The following C1D variants were observed in gnomAD, a reference collection of about 807,000 sequenced individuals.
The protein encoded by C1D is nuclear nucleic acid-binding protein C1D.
Under a neutral mutation model 17.5 loss-of-function variants are expected in C1D, and 10 were observed. That is an observed-to-expected ratio of 0.57 (90% CI 0.35 to 0.97). The LOEUF (loss-of-function observed/expected upper bound fraction) is 0.97, where lower values mean the gene tolerates loss of function less well. Ranked by LOEUF, C1D falls within the 50% of genes least tolerant of loss-of-function variation. C1D has a pLI of 0.01. For synonymous variants in C1D, 49 were observed against 54.0 expected (o/e 0.91, Z 0.40); for missense variants, 136 against 160.1 (o/e 0.85, Z 0.81).
At chr2:68,061,673 T>C (rs1671633218) in intron 1 of C1D, among the ~76,000 whole-genome samples, 1 of 152,180 alleles carries the variant, frequency 6.6e-6, no homozygotes, top group Admixed American at 6.5e-5. Flanking sequence ...ACTCAATACA[T>C]TAGATAGTAT....
intron 1 of C1D, among the ~76,000 whole-genome samples, chr2:68,049,570 T>C (rs775813395): frequency 2.6e-5 from 4 of 152,182 alleles, no homozygotes; most frequent in Non-Finnish European, 4.4e-5. Flanking sequence ...AATTACACAG[T>C]AGTCAAAGAC....
rs187495068 is a variant in C1D at position 68,044,471 on chromosome 2, G to C, written c.262-1418C>G. Among the ~76,000 whole-genome samples, 14 of 152,350 alleles carry C rather than the reference G, an allele frequency of 9.2e-5. No homozygotes were observed. The East Asian group carries it at 2.1e-3, about 23-fold the overall frequency. On this transcript the variant is annotated intron_variant, in intron 4 of 4. Transcript: ENST00000410067. ...GCTCTGTAATCCCAGCACTTCGGGA[G>C]GCCGAGGCGGGCAGATCACGAGGTC...
intron 1 of C1D, among the ~76,000 whole-genome samples, chr2:68,060,507 G>C (rs1671591281): frequency 6.6e-6 from 1 of 152,086 alleles, no homozygotes; most frequent in African/African-American, 2.4e-5. Flanking sequence ...GCTGGGCATG[G>C]CGACGGGTGC....
intron 1 of C1D, among the ~76,000 whole-genome samples, chr2:68,059,276 A>T (rs558616856): frequency 6.6e-6 from 1 of 152,326 alleles, no homozygotes; most frequent in East Asian, 1.9e-4. Context: ...ATCTGCCTCC[A>T]TGACCCAAAT....
chr2:68,060,616 C>T (rs957545982), intron 1 of C1D, among the ~76,000 whole-genome samples: 6 of 140,592 alleles, frequency 4.3e-5, no homozygotes, highest in Non-Finnish European at 7.7e-5. Flanking sequence ...GCACTCCAGC[C>T]TGAGCAACAG....
At chr2:68,046,543 T>C (rs1671127610) in intron 2 of C1D, 133 bp from the exon 3 acceptor site, 1 of 591,152 alleles carries the variant, frequency 1.7e-6, no homozygotes, top group African/African-American at 1.9e-5. Context: ...TCACTTCATA[T>C]AATCCAATAA....
At chr2:68,060,352 G>T (rs1456055525) in intron 1 of C1D, among the ~76,000 whole-genome samples, 4 of 152,118 alleles carry the variant, frequency 2.6e-5, no homozygotes, top group Admixed American at 2.6e-4. Context: ...CTATTAAAAC[G>T]TGAGTCAGGC....
chr2:68,054,015 A>C (rs1671361181), intron 1 of C1D, among the ~76,000 whole-genome samples: 1 of 152,188 alleles, frequency 6.6e-6, no homozygotes, highest in African/African-American at 2.4e-5. Context: ...ATTTTTATTT[A>C]CTTGACTTCT....
chr2:68,043,356 T>C (rs1357371636), intron 4 of C1D, among the ~76,000 whole-genome samples: 1 of 152,194 alleles, frequency 6.6e-6, no homozygotes, highest in Non-Finnish European at 1.5e-5. Context: ...TTCTAGGTGG[T>C]TATACATTTT....
At chr2:68,043,597 T>A (rs1247349605) in intron 4 of C1D, among the ~76,000 whole-genome samples, 2 of 152,154 alleles carry the variant, frequency 1.3e-5, no homozygotes, top group African/African-American at 4.8e-5. Flanking sequence ...GTACATGAAA[T>A]TTTCTAATAA....
chr2:68,049,663 T>C (rs2103801224), intron 1 of C1D, among the ~76,000 whole-genome samples: 1 of 152,318 alleles, frequency 6.6e-6, no homozygotes, highest in South Asian at 2.1e-4. Flanking sequence ...CCTATGGTAT[T>C]TAGCTGTTTA....
rs547419010 is a variant in C1D, at chr2:68,049,659, G to T, written c.-9-2340C>A. Among the ~76,000 whole-genome samples, 5 of 152,196 alleles carry T rather than the reference G, an allele frequency of 3.3e-5. No homozygotes were observed. In the South Asian group the frequency reaches 1.0e-3, roughly 32 times the overall value. ...CTTCAAGAAACAGTTAACTCCTATG[G>T]TATTTAGCTGTTTAAGAATACAGAG... On this transcript the variant is annotated intron_variant, in intron 1 of 4. Coordinates refer to ENST00000410067, the MANE Select transcript of C1D (RefSeq NM_173177.3).
At chr2:68,047,551 G>A (rs1671165487) in intron 1 of C1D, among the ~76,000 whole-genome samples, 1 of 152,144 alleles carries the variant, frequency 6.6e-6, no homozygotes. Flanking sequence ...CTAATGCTAT[G>A]CACACCAAAC....
chr2:68,042,919 T>C lies in C1D; in HGVS notation c.396A>G (p.Lys132=). Residue 132 remains lysine, a synonymous_variant, in exon 5 of 5, where the codon AAA becomes AAG. Coordinates refer to ENST00000410067, the MANE Select transcript of C1D (RefSeq NM_173177.3). The part of the protein sequence containing the change: ...LWEPKSKNAS[K]VANKGKSKS ...TTTTACTTTTTCCTTTATTGGCAAC[T>C]TTTGATGCATTTTTCGATTTTGGTT... The C allele has an allele frequency of 6.3e-7, 1 of 1,587,230 alleles. No homozygotes were observed.
intron 1 of C1D, among the ~76,000 whole-genome samples, chr2:68,056,852 T>C (rs1029338658): frequency 2.1e-4 from 32 of 152,230 alleles, no homozygotes; most frequent in African/African-American, 6.5e-4. Context: ...TGAGGTAATC[T>C]GCACTATGCT....
Position 68,042,753 on chromosome 2 carries a change from CTTTACATATTTACTGTGAA to C in C1D, c.*117_*135del, listed in dbSNP as rs1478813514. 7.8e-6 allele frequency: 4 copies of C among 513,516 alleles called. No individual in the cohort carries two copies. The highest frequency in any genetic ancestry group is 1.4e-5 in the Non-Finnish European group (4 of 283,930). 31.8% of individuals were successfully genotyped at this position (513,516 alleles called of 1,614,324 possible). On this transcript the variant is annotated 3_prime_UTR_variant, in exon 5 of 5. Transcript: ENST00000410067. ...GATCTTTGGAGAGGAAAGTATTTAG[CTTTACATATTTACTGTGAA>C]TTTACATATTAATAAGAAACACATT... is the stretch of plus-strand genomic sequence containing the variant.
At position 68,046,353 on chromosome 2, in the gene C1D, T is replaced by C. The variant is rs140679745; in HGVS notation, c.196A>G (p.Met66Val). 1.1e-5 allele frequency: 17 copies of C among 1,610,580 alleles called. No homozygotes were observed. The East Asian group carries it at 3.1e-4, about 30-fold the overall frequency. The stretch of plus-strand genomic sequence containing the variant: ...AAAGTAACACACATACCCCAAAACA[T>C]TGAATTTAATGTGTATGCAGAAACC... Reference protein sequence around the residue: ...DLVSAYTLNSMFWVYLATQGV... With the variant: ...DLVSAYTLNSVFWVYLATQGV... The change falls in exon 3 of 5, where the codon ATG becomes GTG. Residue 66 changes from methionine to valine, a missense_variant. By Grantham distance (21) the Met-to-Val change is conservative. Coordinates refer to ENST00000410067, the MANE Select transcript of C1D (RefSeq NM_173177.3).
At chr2:68,057,272 C>T (rs1471309166) in intron 1 of C1D, among the ~76,000 whole-genome samples, 1 of 151,840 alleles carries the variant, frequency 6.6e-6, no homozygotes, top group African/African-American at 2.4e-5. Flanking sequence ...CTGCCTCAGC[C>T]TCCCAAGTAG....
Position 68,054,251 on chromosome 2 carries a change from G to A in C1D, c.-9-6932C>T, listed in dbSNP as rs377232194. ...TGCAAGTTCTCTGACCCTTACTACC[G>A]CTTCCCATCCCATTTAGCTGGAGAA... On this transcript the variant is annotated intron_variant, in intron 1 of 4. Coordinates refer to ENST00000410067, the MANE Select transcript of C1D (RefSeq NM_173177.3). 7.2e-5 allele frequency among the ~76,000 whole-genome samples: 11 copies of A among 152,216 alleles called. No homozygotes were observed. In the South Asian group the frequency reaches 1.0e-3, roughly 14 times the overall value.
Sources: gnomAD v4.1 joint callset for allele counts (sites outside exome capture counted in the v4.1 genomes callset) on GRCh38, gnomAD v4.1.1 for gene constraint, MANE v1.5 for transcripts, NCBI Gene and HGNC (gene_info 2026-07-23, HGNC 2026-07-21) for gene names.